The following RBFOX1 variants were observed in gnomAD, a reference collection of about 807,000 sequenced individuals.
RBFOX1 encodes RNA binding fox-1 homolog 1, also known as RNA binding protein fox-1 homolog 1.
RBFOX1 carries 8 observed loss-of-function variants against 57.7 expected under a neutral mutation model. The observed-to-expected ratio is 0.14, with a 90% CI of 0.08 to 0.25. The LOEUF (loss-of-function observed/expected upper bound fraction) is 0.25, where lower values mean the gene tolerates loss of function less well. Ranked by LOEUF, RBFOX1 falls within the 10% of genes least tolerant of loss-of-function variation. RBFOX1 has a pLI of 1.00. For missense variants in RBFOX1, 611 were observed against 548.5 expected (o/e 1.11, Z -1.14); for synonymous variants, 326 against 222.4 (o/e 1.47, Z -4.15).
chr16:6,414,848 C>T (rs929211595), intron 2 of RBFOX1, among the ~76,000 whole-genome samples: 15 of 152,174 alleles, frequency 9.9e-5, no homozygotes, highest in Non-Finnish European at 7.3e-5. Context: ...GGGAGTGCTG[C>T]TGACATCTAG....
chr16:7,026,581 C>A (rs544776188), intron 3 of RBFOX1, among the ~76,000 whole-genome samples: 1 of 152,122 alleles, frequency 6.6e-6, no homozygotes, highest in African/African-American at 2.4e-5. Context: ...CCTCTCCTGG[C>A]AGCTGTGGCG....
intron 3 of RBFOX1, among the ~76,000 whole-genome samples, chr16:5,798,148 C>G (rs920037434): frequency 6.6e-6 from 1 of 152,008 alleles, no homozygotes; most frequent in Non-Finnish European, 1.5e-5. Context: ...AAATGACTAA[C>G]AGGGATAAAA....
At chr16:6,976,441 T>G (rs1286128513) in intron 3 of RBFOX1, among the ~76,000 whole-genome samples, 1 of 152,106 alleles carries the variant, frequency 6.6e-6, no homozygotes, top group African/African-American at 2.4e-5. Context: ...CTGTGGCTAT[T>G]GGTTTTGTTC....
At chr16:7,132,280 C>G (rs1225512272) in intron 4 of RBFOX1, among the ~76,000 whole-genome samples, 1 of 152,026 alleles carries the variant, frequency 6.6e-6, no homozygotes, top group Non-Finnish European at 1.5e-5. Context: ...CCTGTCCGGC[C>G]AGAGTCCAAG....
chr16:7,227,683 C>T (rs150744614), intron 4 of RBFOX1, among the ~76,000 whole-genome samples: 1 of 152,122 alleles, frequency 6.6e-6, no homozygotes, highest in African/African-American at 2.4e-5. Flanking sequence ...GTCCTTCCAG[C>T]GGGCATTTGG....
At chr16:6,495,129 T>C (rs1370177769) in intron 2 of RBFOX1, among the ~76,000 whole-genome samples, 2 of 152,170 alleles carry the variant, frequency 1.3e-5, no homozygotes, top group Non-Finnish European at 2.9e-5. Context: ...TATTTATTTA[T>C]TTATTTTGAG....
intron 4 of RBFOX1, among the ~76,000 whole-genome samples, chr16:7,505,753 G>A (rs1003955773): frequency 4.6e-5 from 7 of 152,184 alleles, no homozygotes; most frequent in South Asian, 2.1e-4. Context: ...TCCTCTCTCT[G>A]TGCTTCCCTA....
chr16:6,014,840 G>T (rs1437000405), upstream of RBFOX1, among the ~76,000 whole-genome samples: 1 of 151,104 alleles, frequency 6.6e-6, no homozygotes, highest in Non-Finnish European at 1.5e-5. Flanking sequence ...GGAATAAAAG[G>T]ATGCTTGGCT....
At chr16:7,244,071 A>T (rs879442836) in intron 4 of RBFOX1, among the ~76,000 whole-genome samples, 2 of 152,118 alleles carry the variant, frequency 1.3e-5, no homozygotes, top group Non-Finnish European at 2.9e-5. Flanking sequence ...GATAATCATT[A>T]TGTAATAAAA....
chr16:7,008,494 C>T (rs1011715806), intron 3 of RBFOX1, among the ~76,000 whole-genome samples: 6 of 151,994 alleles, frequency 3.9e-5, no homozygotes, highest in Admixed American at 2.0e-4. Flanking sequence ...GATCTGAGAT[C>T]ATACCACTGC....
At chr16:6,908,199 C>T (rs561744711) in intron 3 of RBFOX1, among the ~76,000 whole-genome samples, 2 of 151,832 alleles carry the variant, frequency 1.3e-5, no homozygotes, top group Admixed American at 6.6e-5. Flanking sequence ...CAGATTATTA[C>T]CTCTGCTCAG....
At chr16:7,355,608 A>G (rs560261851) in intron 4 of RBFOX1, among the ~76,000 whole-genome samples, 4 of 152,302 alleles carry the variant, frequency 2.6e-5, no homozygotes, top group Non-Finnish European at 1.5e-5. Context: ...TGTTTTGGCC[A>G]TCTCCCCATG....
intron 2 of RBFOX1, among the ~76,000 whole-genome samples, chr16:6,382,881 C>G (rs1054522571): frequency 6.6e-6 from 1 of 152,106 alleles, no homozygotes; most frequent in African/African-American, 2.4e-5. Flanking sequence ...TGCTTTTACT[C>G]TCAAGCCCAC....
intron 3 of RBFOX1, among the ~76,000 whole-genome samples, chr16:6,997,873 T>A (rs943070250): frequency 1.6e-4 from 24 of 152,238 alleles, no homozygotes; most frequent in African/African-American, 5.8e-4. Flanking sequence ...AACACCAGTT[T>A]AATTGTCTGA....
intron 1 of RBFOX1, among the ~76,000 whole-genome samples, chr16:6,170,586 G>C (rs1205670842): frequency 6.6e-6 from 1 of 152,130 alleles, no homozygotes; most frequent in Non-Finnish European, 1.5e-5. Flanking sequence ...TTATGATGTA[G>C]AGCTTTTTTT....
chr16:7,232,739 G>A (rs903044633), intron 4 of RBFOX1, among the ~76,000 whole-genome samples: 1 of 151,876 alleles, frequency 6.6e-6, no homozygotes, highest in African/African-American at 2.4e-5. Context: ...TACTGAGAAG[G>A]CTGAGGCAGG....
chr16:6,639,468 A>G (rs1179765799), intron 2 of RBFOX1, among the ~76,000 whole-genome samples: 1 of 152,172 alleles, frequency 6.6e-6, no homozygotes, highest in Non-Finnish European at 1.5e-5. Flanking sequence ...TGAAATAGTA[A>G]TGACCCGGAG....
At chr16:6,997,550 G>A (rs1056487810) in intron 3 of RBFOX1, among the ~76,000 whole-genome samples, 3 of 152,132 alleles carry the variant, frequency 2.0e-5, no homozygotes, top group Non-Finnish European at 2.9e-5. Context: ...AGAGTTTAAT[G>A]TGTATGCAAA....
At chr16:6,733,457 GT>G (rs1284971725) in intron 3 of RBFOX1, among the ~76,000 whole-genome samples, 1 of 152,156 alleles carries the variant, frequency 6.6e-6, no homozygotes, top group Non-Finnish European at 1.5e-5. Flanking sequence ...ATTAAAAAAG[GT>G]TTTTTGGTGG....
Sources: allele counts gnomAD v4.1 joint callset (sites outside exome capture counted in the v4.1 genomes callset), GRCh38; gene constraint gnomAD v4.1.1; transcripts MANE v1.5; gene names NCBI Gene and HGNC (gene_info 2026-07-23, HGNC 2026-07-21).